TMEM132D: variants seen among roughly 807,000 people sequenced by gnomAD.
TMEM132D encodes mature OL transmembrane protein.
In TMEM132D, 21 loss-of-function variants were observed where a neutral mutation model predicts 62.3. The ratio of observed to expected loss-of-function variants is 0.34; its 90% CI spans 0.24 to 0.49. The LOEUF (loss-of-function observed/expected upper bound fraction) is 0.49. TMEM132D is among the 20% of genes least tolerant of loss of function. The pLI is 0.99. For synonymous variants in TMEM132D, 621 were observed against 575.6 expected, an observed-to-expected ratio of 1.08 and a Z score of -1.13; for missense variants, 1,346 against 1,402.8, an observed-to-expected ratio of 0.96 and a Z score of 0.65.
At chr12:129,628,903 T>G (rs934278469) in intron 2 of TMEM132D, among the ~76,000 whole-genome samples, 8 of 151,294 alleles carry the variant, frequency 5.3e-5, no homozygotes, top group Admixed American at 1.3e-4. Context: ...TCTCCCCATC[T>G]TCCTTCCTTC....
intron 3 of TMEM132D, among the ~76,000 whole-genome samples, chr12:129,520,588 T>C (rs1335231865): frequency 1.4e-5 from 2 of 141,776 alleles, no homozygotes; most frequent in East Asian, 2.1e-4. Flanking sequence ...ACGATAAATA[T>C]TGTGAAAAGA....
At chr12:129,156,040 GATAACTGACCCACTTCTGAC>G in intron 5 of TMEM132D, among the ~76,000 whole-genome samples, 1 of 151,022 alleles carries the variant, frequency 6.6e-6, no homozygotes, top group East Asian at 2.0e-4. Context: ...CCACTCCCGT[GATAACTGACCCACTTCTGAC>G]ATAACTAACC....
intron 1 of TMEM132D, among the ~76,000 whole-genome samples, chr12:129,715,359 AG>A (rs932619362): frequency 6.6e-6 from 1 of 152,150 alleles, no homozygotes; most frequent in African/African-American, 2.4e-5. Flanking sequence ...ATCAGGAAAA[AG>A]GTCAGAGGTG....
chr12:129,699,353 A>T (rs1881315558), intron 2 of TMEM132D, among the ~76,000 whole-genome samples: 1 of 152,186 alleles, frequency 6.6e-6, no homozygotes, highest in Non-Finnish European at 1.5e-5. Context: ...TTGGTACCAT[A>T]TTATACTTAG....
intron 3 of TMEM132D, among the ~76,000 whole-genome samples, chr12:129,415,385 T>C (rs554847196): frequency 5.4e-4 from 82 of 152,348 alleles, no homozygotes; most frequent in African/African-American, 1.8e-3. Context: ...TGAGGGGCTA[T>C]CTCATAGTAG....
intron 4 of TMEM132D, among the ~76,000 whole-genome samples, chr12:129,271,909 C>G (rs1335372214): frequency 6.6e-6 from 1 of 151,798 alleles, no homozygotes; most frequent in East Asian, 1.9e-4. Context: ...GTTTTATAAT[C>G]CTTTGGGTAT....
At chr12:129,209,022 G>T (rs1356862752) in intron 5 of TMEM132D, 1 of 152,960 alleles carries the variant, frequency 6.5e-6, no homozygotes, top group Non-Finnish European at 1.5e-5. Context: ...AATGGAGAAT[G>T]ATTTCCTCTT....
chr12:129,746,453 C>G (rs772617525), intron 1 of TMEM132D, among the ~76,000 whole-genome samples: 7 of 151,976 alleles, frequency 4.6e-5, no homozygotes, highest in Admixed American at 1.3e-4. Flanking sequence ...AATTAGGAGA[C>G]GGGAGGATAT....
intron 4 of TMEM132D, among the ~76,000 whole-genome samples, chr12:129,221,283 C>T (rs941579249): frequency 2.0e-5 from 3 of 152,156 alleles, no homozygotes; most frequent in Non-Finnish European, 2.9e-5. Flanking sequence ...CTGAGTCACA[C>T]GTGGAGAAGA....
At chr12:129,302,431 T>G (rs1419047292) in intron 4 of TMEM132D, among the ~76,000 whole-genome samples, 1 of 152,234 alleles carries the variant, frequency 6.6e-6, no homozygotes, top group Non-Finnish European at 1.5e-5. Context: ...ACCTTTTCTA[T>G]GGCAAGGCCA....
At chr12:129,878,454 C>T (rs1874498137) in intron 1 of TMEM132D, among the ~76,000 whole-genome samples, 1 of 152,160 alleles carries the variant, frequency 6.6e-6, no homozygotes, top group South Asian at 2.1e-4. Context: ...CTCCATGTCG[C>T]TGGTTTTAGG....
intron 4 of TMEM132D, among the ~76,000 whole-genome samples, chr12:129,287,577 A>T (rs1881335729): frequency 6.6e-6 from 1 of 152,190 alleles, no homozygotes; most frequent in Non-Finnish European, 1.5e-5. Flanking sequence ...CATTTATTTG[A>T]TGCATAGGGA....
chr12:129,191,272 GAC>G (rs1246209449), intron 5 of TMEM132D, among the ~76,000 whole-genome samples: 1 of 141,166 alleles, frequency 7.1e-6, no homozygotes, highest in Non-Finnish European at 1.5e-5. Flanking sequence ...TTGCCGAAAA[GAC>G]ACAGAGAAGG....
At chr12:129,694,933 G>A (rs973710121) in intron 2 of TMEM132D, among the ~76,000 whole-genome samples, 2 of 152,152 alleles carry the variant, frequency 1.3e-5, no homozygotes, top group South Asian at 2.1e-4. Flanking sequence ...GCTTGAACCT[G>A]GGAGGCAGAG....
In TMEM132D at chr12:129,483,643, G is replaced by A. The variant is rs76764744; in HGVS notation, c.1115+47416C>T. On this transcript the variant is annotated intron_variant, in intron 3 of 8. Transcript: ENST00000422113. ...AACATCATTTTGAGTGAACACAAAC[G>A]CTGCCAGCAGTTGGCTTTTCACAGA... Among the ~76,000 whole-genome samples, 279 of 152,264 alleles carry A rather than the reference G, an allele frequency of 1.8e-3. 1 individual carries two copies. Among genetic ancestry groups the A allele is most frequent in the African/African-American group, 6.4e-3 (266 of 41,564 alleles).
At chr12:129,795,125 A>C (rs1871526023) in intron 1 of TMEM132D, among the ~76,000 whole-genome samples, 1 of 152,234 alleles carries the variant, frequency 6.6e-6, no homozygotes, top group Admixed American at 6.5e-5. Context: ...CATTAAACAC[A>C]TTATTAACCA....
chr12:129,219,669 C>T (rs1014891926), intron 4 of TMEM132D, among the ~76,000 whole-genome samples: 4 of 152,252 alleles, frequency 2.6e-5, no homozygotes, highest in Non-Finnish European at 1.5e-5. Flanking sequence ...AGCATTTACA[C>T]TGATTTAAAC....
intron 2 of TMEM132D, among the ~76,000 whole-genome samples, chr12:129,636,750 G>GAGAGAC (rs1565931369): frequency 2.7e-5 from 4 of 150,752 alleles, no homozygotes; most frequent in African/African-American, 4.9e-5. Context: ...GAGAGAGAGA[G>GAGAGAC]AGAGAGACAG....
chr12:129,686,102 T>C (rs1880908580), intron 2 of TMEM132D, among the ~76,000 whole-genome samples: 1 of 152,184 alleles, frequency 6.6e-6, no homozygotes, highest in African/African-American at 2.4e-5. Context: ...GGGTTAAAGC[T>C]AGAATGAGTT....
Sources: gnomAD v4.1 joint callset for allele counts (sites outside exome capture counted in the v4.1 genomes callset) on GRCh38, gnomAD v4.1.1 for gene constraint, MANE v1.5 for transcripts, NCBI Gene and HGNC (gene_info 2026-07-23, HGNC 2026-07-21) for gene names.